The following SSX2IP variants were observed in gnomAD, a reference collection of about 807,000 sequenced individuals.
The protein encoded by SSX2IP is afadin- and alpha-actinin-binding protein.
A neutral mutation model predicts 84.9 loss-of-function variants in SSX2IP; 55 were observed. The ratio of observed to expected loss-of-function variants is 0.65; its 90% confidence interval spans 0.52 to 0.81. SSX2IP has a LOEUF of 0.81. Among genes scored for constraint, SSX2IP ranks in the 30% least tolerant of loss-of-function variants. SSX2IP has a pLI of 0.00. For missense variants in SSX2IP, 664 were observed against 705.2 expected (o/e 0.94, Z 0.66); for synonymous variants, 239 against 234.7 (o/e 1.02, Z -0.17).
intron 9 of SSX2IP, among the ~76,000 whole-genome samples, chr1:84,657,761 G>C (rs939239880): frequency 6.6e-6 from 1 of 152,164 alleles, no homozygotes; most frequent in Non-Finnish European, 1.5e-5. Flanking sequence ...ATGGATCCAT[G>C]ATGTCCTCTT....
At position 84,658,264 on chromosome 1, in the gene SSX2IP, C is replaced by G; in HGVS notation, c.1078+54G>C. On this transcript the variant is annotated intron_variant, in intron 9 of 13. Transcript: ENST00000342203. Reference sequence around the variant, plus strand: ...TGCGGCTTTCTAAGTGACTAAAAATCAACACCTTACCAAATGTCACAACTC... The same window carrying G: ...TGCGGCTTTCTAAGTGACTAAAAATGAACACCTTACCAAATGTCACAACTC... 11 of 1,599,370 alleles carry G rather than the reference C, an allele frequency of 6.9e-6. No individual in the cohort carries two copies. The South Asian group carries it at 1.2e-4, about 18-fold the overall frequency.
intron 1 of SSX2IP, among the ~76,000 whole-genome samples, chr1:84,675,293 T>C (rs1021434070): frequency 1.3e-5 from 2 of 152,238 alleles, no homozygotes; most frequent in Non-Finnish European, 2.9e-5. Context: ...TTTCTAGCAC[T>C]GTTACCATAG....
chr1:84,671,583 A>C (rs1305711743), intron 1 of SSX2IP, among the ~76,000 whole-genome samples: 1 of 152,214 alleles, frequency 6.6e-6, no homozygotes, highest in Non-Finnish European at 1.5e-5. Flanking sequence ...CATACATCTA[A>C]GGTATAGCAT....
intron 4 of SSX2IP, among the ~76,000 whole-genome samples, chr1:84,667,754 A>T (rs1052704408): frequency 1.6e-4 from 24 of 152,122 alleles, no homozygotes; most frequent in Admixed American, 1.5e-3. Context: ...CACAAGTCAT[A>T]TACTCTGCCT....
intron 1 of SSX2IP, among the ~76,000 whole-genome samples, chr1:84,689,012 CAG>C (rs984345425): frequency 1.8e-4 from 28 of 152,290 alleles, no homozygotes; most frequent in South Asian, 8.3e-4. Flanking sequence ...GCAGGCAGAA[CAG>C]AGTGTTAAAT....
In SSX2IP at chr1:84,647,335, T is replaced by G. The variant is rs1649568288; in HGVS notation, c.*98A>C. The G allele has an allele frequency of 1.8e-6, 2 of 1,091,202 alleles. No individual in the cohort carries two copies. The highest frequency in any genetic ancestry group is 5.2e-5 in the East Asian group (2 of 38,156). The allele number at this position is 1,091,202 out of a possible 1,614,324, so 67.6% of individuals were successfully genotyped here. On this transcript the variant is annotated 3_prime_UTR_variant, in exon 14 of 14. Coordinates refer to ENST00000342203, the MANE Select transcript of SSX2IP (RefSeq NM_001166293.2). The stretch of plus-strand genomic sequence containing the variant: ...TCCAAACAAACAACTCAGACCATCT[T>G]AAGTTATTAGAGATAACTGACTTTA...
At chr1:84,660,008 C>CA (rs1335521249) in intron 8 of SSX2IP, among the ~76,000 whole-genome samples, 4 of 151,654 alleles carry the variant, frequency 2.6e-5, no homozygotes, top group South Asian at 2.1e-4. Context: ...TCTAAAAAAC[C>CA]AAAAAACAAA....
chr1:84,674,738 G>A (rs1048510371), intron 1 of SSX2IP, among the ~76,000 whole-genome samples: 1 of 152,064 alleles, frequency 6.6e-6, no homozygotes, highest in East Asian at 1.9e-4. Context: ...TGTTTACAAT[G>A]AAAACCAAAA....
Position 84,658,556 on chromosome 1 carries a change from G to C in SSX2IP, c.928-88C>G, listed in dbSNP as rs181226726. ...CAAGTAGTCTTCAGTTTGATTACCA[G>C]AGGAAGCCACATCAAAATCATTTCT... is the stretch of plus-strand genomic sequence containing the variant. On this transcript the variant is annotated intron_variant, in intron 8 of 13. Transcript: ENST00000342203. 10 of 1,421,250 alleles carry C rather than the reference G, an allele frequency of 7.0e-6. No individual in the cohort carries two copies. The African/African-American group carries it at 1.4e-4, about 20-fold the overall frequency. The allele number at this position is 1,421,250 out of a possible 1,614,324, so 88.0% of individuals were successfully genotyped here.
intron 1 of SSX2IP, among the ~76,000 whole-genome samples, chr1:84,674,215 T>C (rs1240416372): frequency 3.3e-5 from 5 of 152,150 alleles, no homozygotes; most frequent in Non-Finnish European, 5.9e-5. Flanking sequence ...ATAATGTACT[T>C]ATCCCAAGAG....
At chr1:84,658,284 C>T (rs763461820) in intron 9 of SSX2IP, 34 bp downstream of exon 9, 10 of 1,611,344 alleles carry the variant, frequency 6.2e-6, no homozygotes, top group Non-Finnish European at 7.6e-6. Flanking sequence ...CCAAATGTCA[C>T]AACTCACTTT....
chr1:84,669,741 T>C lies in SSX2IP; in HGVS notation c.366A>G (p.Thr122=). ...KNLLAQENVE[T]QNLKLGSDMD... ...TATCACTTCCCAGCTTCAAATTCTG[T>C]GTCTCCACATTTTCCTGAGCTAGAA... is the stretch of plus-strand genomic sequence containing the variant. Residue 122 remains threonine, a synonymous_variant, in exon 4 of 14, where the codon ACA becomes ACG. Transcript: ENST00000342203. 1.2e-6 allele frequency: 2 copies of C among 1,613,880 alleles called. No individual in the cohort carries two copies. Among genetic ancestry groups the C allele is most frequent in the Non-Finnish European group, 8.5e-7 (1 of 1,179,808 alleles).
rs1471306878 is a variant in SSX2IP, at chr1:84,670,769, T to C, written c.90A>G (p.Pro30=). The stretch of plus-strand genomic sequence containing the variant: ...GCACTTGCTGTGAGTATAAACTTGA[T>C]GGAGACATCTTTGTTTCTGAGGTAT... ...SQYTSETKMS[P]SSLYSQQVLC... Residue 30 remains proline (P), a synonymous_variant, in exon 3 of 14, where the codon CCA becomes CCG. Coordinates refer to ENST00000342203, the MANE Select transcript of SSX2IP (RefSeq NM_001166293.2). The C allele has an allele frequency of 3.7e-6, 6 of 1,612,882 alleles. No homozygotes were observed. Among genetic ancestry groups the C allele is most frequent in the East Asian group, 2.2e-5 (1 of 44,800 alleles).
At chr1:84,682,628 C>T (rs1203625013) in intron 1 of SSX2IP, among the ~76,000 whole-genome samples, 2 of 151,898 alleles carry the variant, frequency 1.3e-5, no homozygotes, top group African/African-American at 4.8e-5. Context: ...CCTTGACCTC[C>T]CGAGTAGCTG....
chr1:84,663,837 T>C (rs1334593014), intron 6 of SSX2IP, among the ~76,000 whole-genome samples: 1 of 152,222 alleles, frequency 6.6e-6, no homozygotes, highest in African/African-American at 2.4e-5. Flanking sequence ...TTCGTGTTTC[T>C]TTGCTTTTTA....
At chr1:84,657,112 A>T (rs547453397) in intron 9 of SSX2IP, among the ~76,000 whole-genome samples, 19 of 152,236 alleles carry the variant, frequency 1.2e-4, no homozygotes, top group African/African-American at 4.6e-4. Flanking sequence ...GACAATTTAA[A>T]TTTTTCTTTA....
At chr1:84,690,349 G>A (rs1417691453) in intron 1 of SSX2IP, 22 bp downstream of exon 1, 1 of 135,604 alleles carries the variant, frequency 7.4e-6, no homozygotes, top group Non-Finnish European at 1.6e-5. Flanking sequence ...CACAATCCCC[G>A]ACGCGAGGCG....
chr1:84,655,210 A>G (rs1650901230), intron 11 of SSX2IP: 3 of 489,410 alleles, frequency 6.1e-6, no homozygotes, highest in South Asian at 6.0e-5. Context: ...AATTTCCAAC[A>G]GATACTTTTT....
At chr1:84,655,430 G>T in intron 11 of SSX2IP, 2 of 1,290,386 alleles carry the variant, frequency 1.5e-6, no homozygotes, top group Non-Finnish European at 2.0e-6. Context: ...ATGATGGACT[G>T]GGGAGAAGAG....
Sources: gnomAD v4.1 joint callset for allele counts (sites outside exome capture counted in the v4.1 genomes callset) on GRCh38, gnomAD v4.1.1 for gene constraint, MANE v1.5 for transcripts, NCBI Gene and HGNC (gene_info 2026-07-23, HGNC 2026-07-21) for gene names.